The following ZFHX3 variants were observed in gnomAD, a reference collection of about 807,000 sequenced individuals.
The protein encoded by ZFHX3 is zinc finger homeobox 3.
Under a neutral mutation model 279.1 loss-of-function variants are expected in ZFHX3, and 42 were observed. That is an observed-to-expected ratio of 0.15 (90% confidence interval 0.12 to 0.19). ZFHX3 has a LOEUF of 0.19. Among genes scored for constraint, ZFHX3 ranks in the 10% least tolerant of loss-of-function variants. The pLI, the probability that ZFHX3 is intolerant of heterozygous loss-of-function variation, is 1.00. For missense variants in ZFHX3, 4,981 were observed against 4,754.0 expected (o/e 1.05, Z -1.40); for synonymous variants, 2,293 against 1,957.8 (o/e 1.17, Z -4.52).
chr16:73,846,148 A>G (rs1303087086), intron 1 of ZFHX3, among the ~76,000 whole-genome samples: 1 of 152,188 alleles, frequency 6.6e-6, no homozygotes, highest in African/African-American at 2.4e-5. Flanking sequence ...TGTACTTGGC[A>G]GCGGTGGTTA....
chr16:73,297,843 T>C (rs778326521), intron 4 of ZFHX3, among the ~76,000 whole-genome samples: 3 of 151,834 alleles, frequency 2.0e-5, no homozygotes, highest in African/African-American at 7.3e-5. Flanking sequence ...GCTGAATAAA[T>C]GAGATAGCAC....
In ZFHX3 at chr16:73,258,644, G is replaced by A. The variant is rs78089746; in HGVS notation, c.-1193-1508C>T. Among the ~76,000 whole-genome samples, 1,259 of 152,152 alleles carry A rather than the reference G, an allele frequency of 8.3e-3. 17 individuals carry two copies. Among genetic ancestry groups the A allele is most frequent in the South Asian group, 0.027 (131 of 4,822 alleles). ...ATTACAGGCGTGAGCCACCGCACCC[G>A]GCCACTATGACATATTTTAAGCATT... On this transcript the variant is annotated intron_variant, in intron 4 of 17. Coordinates refer to the ZFHX3 transcript ENST00000641206.
rs9889136 is a variant in ZFHX3, at chr16:73,096,762, G to A, written c.-896-3164C>T. On this transcript the variant is annotated intron_variant, in intron 7 of 17. Coordinates refer to the ZFHX3 transcript ENST00000641206. ...TGGGAAGGGAGTGGGACAGGAGAAG[G>A]CAGAGAATGGGGCATCATGTTAAAA... is the stretch of plus-strand genomic sequence containing the variant. 3.6e-3 allele frequency among the ~76,000 whole-genome samples: 549 copies of A among 152,130 alleles called. 7 individuals carry two copies. Among genetic ancestry groups the A allele is most frequent in the African/African-American group, 0.012 (506 of 41,514 alleles).
At chr16:73,557,936 C>T (rs942041099) in intron 2 of ZFHX3, among the ~76,000 whole-genome samples, 1 of 152,188 alleles carries the variant, frequency 6.6e-6, no homozygotes, top group African/African-American at 2.4e-5. Flanking sequence ...GCACACCATT[C>T]TGGAGCCTCT....
At chr16:73,035,162 AG>A (rs35222927) in intron 1 of ZFHX3, among the ~76,000 whole-genome samples, 26,795 of 152,060 alleles carry the variant, frequency 0.18, 2,576 homozygotes, top group East Asian at 0.34. Flanking sequence ...TACAAAAAAA[AG>A]GGATGTAAAA....
At chr16:73,138,161 T>C (rs1044893413) in intron 6 of ZFHX3, among the ~76,000 whole-genome samples, 1 of 152,166 alleles carries the variant, frequency 6.6e-6, no homozygotes, top group African/African-American at 2.4e-5. Flanking sequence ...CTCTCCCAAC[T>C]GTTCTTAAAT....
exon 8 of ZFHX3, chr16:73,093,440 G>T: frequency 2.0e-6 from 1 of 488,778 alleles, no homozygotes; most frequent in South Asian, 1.5e-5. Context: ...GGCCCCTTTC[G>T]CTCAGCTCTT....
chr16:72,843,242 G>A (rs901835114), intron 4 of ZFHX3, among the ~76,000 whole-genome samples: 4 of 151,972 alleles, frequency 2.6e-5, no homozygotes, highest in African/African-American at 7.3e-5. Flanking sequence ...CAGGCACAGT[G>A]GCTCACACCT....
At chr16:73,695,848 C>G (rs2053192902) in intron 1 of ZFHX3, among the ~76,000 whole-genome samples, 1 of 152,254 alleles carries the variant, frequency 6.6e-6, no homozygotes, top group South Asian at 2.1e-4. Flanking sequence ...ACTGCCTTCT[C>G]TCCCACTCAC....
rs564221488 is a variant in ZFHX3 at position 73,377,534 on chromosome 16, G to C, written c.-1290-59198C>G. Among the ~76,000 whole-genome samples, 26 of 152,104 alleles carry C rather than the reference G, an allele frequency of 1.7e-4. No individual in the cohort carries two copies. The Middle Eastern group carries it at 0.014, about 80-fold the overall frequency. On this transcript the variant is annotated intron_variant, in intron 3 of 17. Coordinates refer to the ZFHX3 transcript ENST00000641206. ...ATTGGAAATCAATGTGTAAAGATGA[G>C]CACCACTGTCTCTGCACATCTTTCC... is the stretch of plus-strand genomic sequence containing the variant.
At chr16:73,395,386 C>A (rs957512250) in intron 3 of ZFHX3, among the ~76,000 whole-genome samples, 9 of 152,000 alleles carry the variant, frequency 5.9e-5, no homozygotes, top group African/African-American at 1.9e-4. Flanking sequence ...ATCACTTGAA[C>A]CTGGGAGGCA....
At chr16:73,167,514 G>A (rs1967401952) in intron 5 of ZFHX3, among the ~76,000 whole-genome samples, 1 of 152,254 alleles carries the variant, frequency 6.6e-6, no homozygotes, top group Non-Finnish European at 1.5e-5. Flanking sequence ...AACTGTTTCA[G>A]TGCTGAACTT....
At chr16:72,897,811 A>G (rs1226382709) in intron 3 of ZFHX3, among the ~76,000 whole-genome samples, 1 of 152,126 alleles carries the variant, frequency 6.6e-6, no homozygotes, top group Non-Finnish European at 1.5e-5. Context: ...TCCTTGGAGG[A>G]GCCCAAAGCT....
chr16:73,673,382 A>G (rs1011666540), intron 2 of ZFHX3, among the ~76,000 whole-genome samples: 2 of 152,190 alleles, frequency 1.3e-5, no homozygotes, highest in African/African-American at 4.8e-5. Context: ...TACTAATAAA[A>G]ATAGTCCCCC....
Position 72,788,109 on chromosome 16 carries a change from T to C in ZFHX3, c.10167A>G (p.Gln3389=). The C allele has an allele frequency of 1.2e-6, 2 of 1,608,052 alleles. No individual in the cohort carries two copies. Among genetic ancestry groups the C allele is most frequent in the Non-Finnish European group, 1.7e-6 (2 of 1,176,788 alleles). The change falls in exon 10 of 10, where the codon CAA becomes CAG. Residue 3389 remains glutamine, a synonymous_variant. Transcript: ENST00000268489. ...QQRQLQQQQQ[Q]KVQQQQPKAS... ...CTTTGGGCTGCTGCTGCTGCACTTT[T>C]TGCTGCTGCTGCTGCTGTAGTTGCC...
chr16:73,276,342 C>T (rs935035586), intron 4 of ZFHX3, among the ~76,000 whole-genome samples: 4 of 152,070 alleles, frequency 2.6e-5, no homozygotes, highest in African/African-American at 7.2e-5. Flanking sequence ...CATCACCAGA[C>T]TGGCTAATTT....
intron 5 of ZFHX3, among the ~76,000 whole-genome samples, chr16:73,183,371 G>A (rs980912925): frequency 6.6e-6 from 1 of 152,162 alleles, no homozygotes; most frequent in Non-Finnish European, 1.5e-5. Context: ...AAAGATAGAC[G>A]TTCACCCTTT....
At chr16:73,358,749 G>A (rs763232929) in intron 3 of ZFHX3, among the ~76,000 whole-genome samples, 2 of 152,210 alleles carry the variant, frequency 1.3e-5, no homozygotes, top group African/African-American at 2.4e-5. Flanking sequence ...GTCCAGCTAT[G>A]GGAGGCACAA....
chr16:73,707,927 C>T lies in ZFHX3; in HGVS notation c.-1607-27687G>A, dbSNP rs543888732. On this transcript the variant is annotated intron_variant, in intron 1 of 17. Coordinates refer to the ZFHX3 transcript ENST00000641206. ...TGAAGAGGCACACACAGGAGATTTC[C>T]AATGGACTTGAAACTTTTTATATTA... Among the ~76,000 whole-genome samples the T allele has an allele frequency of 5.2e-3, 796 of 152,090 alleles. 8 individuals are homozygous for T. Among genetic ancestry groups the T allele is most frequent in the African/African-American group, 0.018 (744 of 41,492 alleles).
Sources: gnomAD v4.1 joint callset for allele counts (sites outside exome capture counted in the v4.1 genomes callset) on GRCh38, gnomAD v4.1.1 for gene constraint, MANE v1.5 for transcripts, NCBI Gene and HGNC (gene_info 2026-07-23, HGNC 2026-07-21) for gene names.